TAF3: variants seen among roughly 807,000 people sequenced by gnomAD.
TAF3 encodes the protein TATA-box binding protein associated factor 3, also known as transcription initiation factor TFIID subunit 3.
In TAF3, 7 loss-of-function variants were observed where a neutral mutation model predicts 80.6. That is an observed-to-expected ratio of 0.09 (90% confidence interval 0.05 to 0.16). The LOEUF (loss-of-function observed/expected upper bound fraction) is 0.16. Among genes scored for constraint, TAF3 ranks in the 10% least tolerant of loss-of-function variants. The pLI is 1.00. For synonymous variants in TAF3, 444 were observed against 446.1 expected, an observed-to-expected ratio of 1.00 and a Z score of 0.06; for missense variants, 921 against 1,140.2, an observed-to-expected ratio of 0.81 and a Z score of 2.77.
At position 7,965,463 on chromosome 10, in the gene TAF3, A is replaced by T. The variant is rs1032039064; in HGVS notation, c.1953A>T (p.Ala651=). ...KGREDKMKAP[A]PPLVLPPKEL... The stretch of plus-strand genomic sequence containing the variant: ...GAGAAGATAAGATGAAAGCCCCAGC[A>T]CCCCCACTGGTGTTGCCCCCAAAAG... Residue 651 remains alanine, a synonymous_variant, in exon 3 of 7, where the codon GCA becomes GCT. Coordinates refer to ENST00000344293, the MANE Select transcript of TAF3 (RefSeq NM_031923.4). 6.2e-7 allele frequency: 1 copy of T among 1,613,284 alleles called. No homozygotes were observed.
chr10:7,990,979 C>G (rs1478293391), intron 4 of TAF3, among the ~76,000 whole-genome samples: 1 of 152,174 alleles, frequency 6.6e-6, no homozygotes, highest in South Asian at 2.1e-4. Flanking sequence ...GGCTGGGACC[C>G]AAAGCAGCTC....
intron 2 of TAF3, among the ~76,000 whole-genome samples, chr10:7,852,418 C>G (rs1403216876): frequency 6.6e-6 from 1 of 152,194 alleles, no homozygotes; most frequent in Non-Finnish European, 1.5e-5. Flanking sequence ...CTTTCTCATT[C>G]TCTGTCTCTT....
chr10:7,906,275 T>C (rs1171339127), intron 2 of TAF3, among the ~76,000 whole-genome samples: 1 of 152,214 alleles, frequency 6.6e-6, no homozygotes, highest in Non-Finnish European at 1.5e-5. Flanking sequence ...CACCTCTTCC[T>C]AACCAAAGGG....
chr10:7,952,682 G>A (rs1419265315), intron 2 of TAF3, among the ~76,000 whole-genome samples: 1 of 152,102 alleles, frequency 6.6e-6, no homozygotes, highest in Non-Finnish European at 1.5e-5. Context: ...AGGTCACTGT[G>A]TATCTAGGAA....
At chr10:8,010,857 A>G (rs1219831748) in intron 5 of TAF3, among the ~76,000 whole-genome samples, 3 of 152,302 alleles carry the variant, frequency 2.0e-5, no homozygotes, top group Admixed American at 1.3e-4. Context: ...GCAGTGAGCC[A>G]AGATCGTACC....
At chr10:7,826,983 A>C (rs967819474) in intron 2 of TAF3, among the ~76,000 whole-genome samples, 3 of 152,174 alleles carry the variant, frequency 2.0e-5, no homozygotes, top group Non-Finnish European at 4.4e-5. Context: ...TATTTCCTTA[A>C]GAGCCACAGA....
intron 2 of TAF3, among the ~76,000 whole-genome samples, chr10:7,827,556 C>T (rs368058023): frequency 4.6e-5 from 7 of 151,952 alleles, no homozygotes; most frequent in African/African-American, 9.7e-5. Context: ...CGGAGACGGG[C>T]GGATCACGAG....
At chr10:7,838,755 T>G (rs1836878643) in intron 2 of TAF3, among the ~76,000 whole-genome samples, 1 of 152,054 alleles carries the variant, frequency 6.6e-6, no homozygotes, top group African/African-American at 2.4e-5. Context: ...GCTATAAGCC[T>G]CCTCCACACC....
intron 2 of TAF3, among the ~76,000 whole-genome samples, chr10:7,942,610 TGA>T (rs1837986076): frequency 6.6e-6 from 1 of 152,162 alleles, no homozygotes; most frequent in African/African-American, 2.4e-5. Flanking sequence ...CATTGCTGAC[TGA>T]GAAAATCCTG....
intron 2 of TAF3, among the ~76,000 whole-genome samples, chr10:7,862,798 T>C (rs186290257): frequency 6.6e-6 from 1 of 152,374 alleles, no homozygotes; most frequent in Admixed American, 6.5e-5. Context: ...TTTTTTGGTC[T>C]GGCCTTTTTT....
intron 4 of TAF3, among the ~76,000 whole-genome samples, chr10:7,981,664 T>G (rs989342750): frequency 2.0e-5 from 3 of 152,236 alleles, no homozygotes; most frequent in African/African-American, 7.2e-5. Context: ...TCTGCTGACA[T>G]TTTGATTTCT....
chr10:7,885,228 A>G (rs1227025705), intron 2 of TAF3, among the ~76,000 whole-genome samples: 1 of 146,222 alleles, frequency 6.8e-6, no homozygotes, highest in East Asian at 2.1e-4. Context: ...TAAATAGCAA[A>G]TTTTATGTTA....
intron 2 of TAF3, among the ~76,000 whole-genome samples, chr10:7,872,504 G>T (rs1318007376): frequency 6.6e-6 from 1 of 152,144 alleles, no homozygotes; most frequent in African/African-American, 2.4e-5. Flanking sequence ...TAAAATTACA[G>T]TATGTTTCAT....
At chr10:7,921,471 C>T (rs1837761270) in intron 2 of TAF3, among the ~76,000 whole-genome samples, 1 of 152,138 alleles carries the variant, frequency 6.6e-6, no homozygotes, top group African/African-American at 2.4e-5. Flanking sequence ...GTTTTTCAAA[C>T]TTCAGGTCAT....
In TAF3 at chr10:7,964,269, A is replaced by G; in HGVS notation, c.759A>G (p.Ala253=). Residue 253 remains alanine, a synonymous_variant, in exon 3 of 7, where the codon GCA becomes GCG. Coordinates refer to ENST00000344293, the MANE Select transcript of TAF3 (RefSeq NM_031923.4). This position sits in a 1 kb window ranked among gnomAD's most constrained non-coding sequence, Gnocchi z 4.1. ...AGCCGCCAATGTTGGCTCCAGTTGCAAAATCACAAATGCCAACTGCAAAAC... is the reference window on the plus strand; with the variant it reads ...AGCCGCCAATGTTGGCTCCAGTTGCGAAATCACAAATGCCAACTGCAAAAC... ...SPEPPMLAPV[A]KSQMPTAKPL... 1 of 1,614,218 alleles carries G rather than the reference A, an allele frequency of 6.2e-7. No individual in the cohort carries two copies. The highest frequency in any genetic ancestry group is 8.5e-7 in the Non-Finnish European group (1 of 1,180,042).
chr10:7,967,793 A>G (rs1056853413), intron 3 of TAF3, among the ~76,000 whole-genome samples: 5 of 152,186 alleles, frequency 3.3e-5, no homozygotes, highest in Non-Finnish European at 7.3e-5. Context: ...GAACCTGGAG[A>G]TTGCTGCTCC....
At chr10:7,945,128 T>C (rs1838012834) in intron 2 of TAF3, among the ~76,000 whole-genome samples, 1 of 152,212 alleles carries the variant, frequency 6.6e-6, no homozygotes, top group African/African-American at 2.4e-5. Flanking sequence ...CCTTTCCCGA[T>C]GCACAGTCTG....
chr10:7,952,073 A>G (rs1838087822), intron 2 of TAF3, among the ~76,000 whole-genome samples: 1 of 152,232 alleles, frequency 6.6e-6, no homozygotes, highest in Non-Finnish European at 1.5e-5. Flanking sequence ...TTTTAAGTCT[A>G]GGAAAATCAT....
At chr10:7,866,278 C>T (rs1837214158) in intron 2 of TAF3, among the ~76,000 whole-genome samples, 1 of 152,186 alleles carries the variant, frequency 6.6e-6, no homozygotes, top group Non-Finnish European at 1.5e-5. Flanking sequence ...GGCTCTGCTT[C>T]CATGGTGCTC....
Sources: gnomAD v4.1 joint callset for allele counts (sites outside exome capture counted in the v4.1 genomes callset) on GRCh38, gnomAD v4.1.1 for gene constraint, Gnocchi (gnomAD v3.1) non-coding constraint, MANE v1.5 for transcripts, NCBI Gene and HGNC (gene_info 2026-07-23, HGNC 2026-07-21) for gene names.